The following GRIA4 variants were observed in gnomAD, a reference collection of about 807,000 sequenced individuals.
GRIA4 encodes glutamate ionotropic receptor AMPA type subunit 4.
Under a neutral mutation model 104.0 loss-of-function variants are expected in GRIA4, and 34 were observed. That is an observed-to-expected ratio of 0.33 (90% CI 0.25 to 0.44). The LOEUF is 0.44. GRIA4 is among the 20% of genes least tolerant of loss of function. GRIA4 has a pLI of 1.00. For synonymous variants in GRIA4, 386 were observed against 381.9 expected, an observed-to-expected ratio of 1.01 and a Z score of -0.13; for missense variants, 750 against 1,096.5, an observed-to-expected ratio of 0.68 and a Z score of 4.46.
intron 4 of GRIA4, among the ~76,000 whole-genome samples, chr11:105,764,586 G>T (rs1565528170): frequency 6.6e-6 from 1 of 152,006 alleles, no homozygotes; most frequent in Non-Finnish European, 1.5e-5. Context: ...ATATCAGAAA[G>T]AGACCCCCCT....
At chr11:105,639,206 T>A (rs535753026) in intron 3 of GRIA4, among the ~76,000 whole-genome samples, 43 of 152,248 alleles carry the variant, frequency 2.8e-4, no homozygotes, top group African/African-American at 9.9e-4. Flanking sequence ...AACTCTGAAT[T>A]GAGCATTTCT....
chr11:105,934,654 G>A (rs1285667437), intron 14 of GRIA4, among the ~76,000 whole-genome samples: 1 of 152,106 alleles, frequency 6.6e-6, no homozygotes, highest in Admixed American at 6.6e-5. Flanking sequence ...CTGAAATGTG[G>A]TTAATGAGCA....
intron 14 of GRIA4, among the ~76,000 whole-genome samples, chr11:105,953,148 G>A (rs183753072): frequency 3.3e-5 from 5 of 152,326 alleles, no homozygotes; most frequent in East Asian, 1.9e-4. Flanking sequence ...GCTACTCTTC[G>A]AGGCTAAATA....
chr11:105,925,548 T>C (rs1947682448), intron 12 of GRIA4, among the ~76,000 whole-genome samples: 1 of 152,158 alleles, frequency 6.6e-6, no homozygotes. Context: ...TCTTTCTTTA[T>C]AGAAATGTAT....
chr11:105,649,913 A>T (rs1951638001), intron 3 of GRIA4, among the ~76,000 whole-genome samples: 1 of 152,232 alleles, frequency 6.6e-6, no homozygotes, highest in Non-Finnish European at 1.5e-5. Context: ...AATCTCCCAT[A>T]GAATTGACTC....
rs142371545 is a variant in GRIA4 at position 105,714,528 on chromosome 11, G to T, written c.248-38453G>T. 2.5e-3 allele frequency among the ~76,000 whole-genome samples: 379 copies of T among 152,122 alleles called. 8 individuals are homozygous for T. The highest frequency in any genetic ancestry group is 0.023 in the Admixed American group (355 of 15,254). ...GATTTTGTTGCCTAAATATTATCATGCTTAAGACTTGAGTATACTTTATTA... is the reference window on the plus strand; with the variant it reads ...GATTTTGTTGCCTAAATATTATCATTCTTAAGACTTGAGTATACTTTATTA... On this transcript the variant is annotated intron_variant, in intron 3 of 16. Transcript: ENST00000282499.
intron 3 of GRIA4, among the ~76,000 whole-genome samples, chr11:105,694,250 A>G (rs1314176047): frequency 6.6e-6 from 1 of 151,822 alleles, no homozygotes; most frequent in Non-Finnish European, 1.5e-5. Context: ...CCAGGGTTCA[A>G]GCGATTCTCC....
At chr11:105,913,465 A>T in intron 10 of GRIA4, 1 of 514,780 alleles carries the variant, frequency 1.9e-6, no homozygotes, top group Non-Finnish European at 2.5e-6. Flanking sequence ...AGTCTTGTTG[A>T]CTAAAAATGT....
At chr11:105,733,746 G>T (rs1938751241) in intron 3 of GRIA4, among the ~76,000 whole-genome samples, 1 of 151,966 alleles carries the variant, frequency 6.6e-6, no homozygotes, top group Non-Finnish European at 1.5e-5. Flanking sequence ...GAGCCACCAT[G>T]CCTGGCCAGA....
intron 3 of GRIA4, among the ~76,000 whole-genome samples, chr11:105,738,327 G>A (rs1206565318): frequency 6.6e-6 from 1 of 152,096 alleles, no homozygotes; most frequent in Non-Finnish European, 1.5e-5. Flanking sequence ...CATTCACTAG[G>A]TTGTTCACTT....
chr11:105,663,081 T>G (rs1044092080), intron 3 of GRIA4, among the ~76,000 whole-genome samples: 8 of 151,942 alleles, frequency 5.3e-5, no homozygotes, highest in African/African-American at 1.9e-4. Flanking sequence ...TTATAATAAC[T>G]ATAAACTCAT....
intron 3 of GRIA4, among the ~76,000 whole-genome samples, chr11:105,746,695 T>G (rs1939680874): frequency 6.6e-6 from 1 of 152,080 alleles, no homozygotes; most frequent in African/African-American, 2.4e-5. Context: ...TAAGAACAAT[T>G]AGGAGTATTA....
rs1858865250 is a variant in GRIA4, at chr11:105,974,440, T to C, written c.2540T>C (p.Met847Thr). ...AAGTCCAGGGCAGAAGCGAAGAGAA[T>C]GAAGGTGGCAAAGAGTGCACAGACT... ...CYKSRAEAKR[M>T]KLTFSEAIRN... Residue 847 changes from methionine to threonine, a missense_variant, in exon 16 of 17, where the codon ATG (methionine) becomes ACG (threonine). Around this residue, in one of 3 missense-constraint regions of GRIA4, gnomAD observed 68 missense variants for 69.3 expected, o/e 0.98. Coordinates refer to ENST00000282499, the MANE Select transcript of GRIA4 (RefSeq NM_000829.4). The C allele has an allele frequency of 6.2e-7, 1 of 1,613,880 alleles. No individual in the cohort carries two copies. Among genetic ancestry groups the C allele is most frequent in the African/African-American group, 1.3e-5 (1 of 74,904 alleles).
chr11:105,865,344 C>T (rs1009293785), intron 5 of GRIA4, among the ~76,000 whole-genome samples: 1 of 152,078 alleles, frequency 6.6e-6, no homozygotes, highest in Middle Eastern at 3.2e-3. Context: ...TCTCTAAATC[C>T]AATGAGCAAT....
chr11:105,743,213 G>A (rs1046184362), intron 3 of GRIA4, among the ~76,000 whole-genome samples: 3 of 151,984 alleles, frequency 2.0e-5, no homozygotes, highest in Non-Finnish European at 4.4e-5. Context: ...AAATCCCAAG[G>A]CATTTCTCTA....
chr11:105,743,922 C>T (rs1346725529), intron 3 of GRIA4, among the ~76,000 whole-genome samples: 1 of 152,192 alleles, frequency 6.6e-6, no homozygotes, highest in East Asian at 1.9e-4. Flanking sequence ...CTGACCTCTA[C>T]ATTGTATGCC....
intron 2 of GRIA4, among the ~76,000 whole-genome samples, chr11:105,611,383 G>C (rs552529884): frequency 9.9e-5 from 15 of 151,838 alleles, no homozygotes; most frequent in Non-Finnish European, 1.5e-4. Context: ...GGGGAATTTG[G>C]TTGTATTTTA....
At chr11:105,899,774 G>T (rs562656499) in intron 7 of GRIA4, among the ~76,000 whole-genome samples, 67 of 152,248 alleles carry the variant, frequency 4.4e-4, no homozygotes, top group African/African-American at 1.4e-3. Context: ...TGTGTTTAAA[G>T]AAACCTTATT....
chr11:105,881,112 G>T (rs1946038602), intron 5 of GRIA4, among the ~76,000 whole-genome samples: 1 of 152,172 alleles, frequency 6.6e-6, no homozygotes. Context: ...GTGACAGGGG[G>T]TTAATTCCAT....
Sources: gnomAD v4.1 joint callset for allele counts (sites outside exome capture counted in the v4.1 genomes callset) on GRCh38, gnomAD v4.1.1 for gene constraint, gnomAD v4.1.1 regional missense constraint, MANE v1.5 for transcripts, NCBI Gene and HGNC (gene_info 2026-07-23, HGNC 2026-07-21) for gene names.